The following CERK variants were observed in gnomAD, a reference collection of about 807,000 sequenced individuals.
The protein encoded by CERK is acylsphingosine kinase.
Under a neutral mutation model 63.4 loss-of-function variants are expected in CERK, and 39 were observed. The ratio of observed to expected loss-of-function variants is 0.61; its 90% CI spans 0.48 to 0.80. CERK has a LOEUF of 0.80. CERK is among the 30% of genes least tolerant of loss of function. The probability of loss-of-function intolerance (pLI) is 0.00; values close to 1 mark genes in which losing one functional copy is unlikely to be tolerated. For missense variants in CERK, 670 were observed against 714.1 expected, an observed-to-expected ratio of 0.94 and a Z score of 0.70; for synonymous variants, 302 against 280.0, an observed-to-expected ratio of 1.08 and a Z score of -0.78.
intron 1 of CERK, among the ~76,000 whole-genome samples, chr22:46,734,067 C>CAT (rs59207182): frequency 0.12 from 17,891 of 145,272 alleles, 1,157 homozygotes; most frequent in African/African-American, 0.17. Flanking sequence ...TACATACATA[C>CAT]ATATATATAT....
Position 46,738,158 on chromosome 22 carries a change from C to T in CERK, c.-10G>A. 1 of 1,170,748 alleles carries T rather than the reference C, an allele frequency of 8.5e-7. No individual in the cohort carries two copies. Among genetic ancestry groups the T allele is most frequent in the Non-Finnish European group, 1.1e-6 (1 of 950,408 alleles). 72.5% of individuals were successfully genotyped at this position (1,170,748 alleles called of 1,614,324 possible). A position where few individuals can be genotyped will look rare whatever the true frequency, so the allele number is the denominator to read the frequency against. On this transcript the variant is annotated 5_prime_UTR_variant, in exon 1 of 13. Coordinates refer to ENST00000216264, the MANE Select transcript of CERK (RefSeq NM_022766.6). ...CCCCCGTCGCCCCCATCTCCGCCGC[C>T]GGGCTCGTCCGCCAGGCTGGGGGCG...
intron 9 of CERK, chr22:46,693,712 G>A: frequency 2.0e-6 from 1 of 504,398 alleles, no homozygotes; most frequent in South Asian, 2.0e-5. Context: ...TTCTCTAAAA[G>A]GTTTGGACAT....
At chr22:46,702,266 T>C (rs912301985) in intron 6 of CERK, among the ~76,000 whole-genome samples, 2 of 144,134 alleles carry the variant, frequency 1.4e-5, no homozygotes, top group African/African-American at 2.6e-5. Context: ...TGTGTGTGTG[T>C]GAACATTTAC....
intron 1 of CERK, among the ~76,000 whole-genome samples, chr22:46,721,663 C>T (rs989649050): frequency 1.3e-5 from 2 of 152,162 alleles, no homozygotes; most frequent in African/African-American, 4.8e-5. Flanking sequence ...TGGCCTCTGT[C>T]TGCAGGACAG....
At position 46,705,633 on chromosome 22, in the gene CERK, T is replaced by C. The variant is rs572256862; in HGVS notation, c.715+2210A>G. On this transcript the variant is annotated intron_variant, in intron 6 of 12. Transcript: ENST00000216264. The stretch of plus-strand genomic sequence containing the variant: ...TTGCAGTGAGCCAAGATCGCACCAC[T>C]GCACTCCAGCCTGGACGACAAAGTG... Among the ~76,000 whole-genome samples, 27 of 152,220 alleles carry C rather than the reference T, an allele frequency of 1.8e-4. No individual in the cohort carries two copies. The East Asian group carries it at 4.8e-3, about 27-fold the overall frequency.
At chr22:46,709,169 C>T (rs2082828146) in intron 5 of CERK, among the ~76,000 whole-genome samples, 2 of 152,330 alleles carry the variant, frequency 1.3e-5, no homozygotes, top group South Asian at 4.1e-4. Context: ...GTTAGACAGA[C>T]AGATCACTCA....
chr22:46,722,855 G>A (rs1345048327), intron 1 of CERK, among the ~76,000 whole-genome samples: 1 of 152,188 alleles, frequency 6.6e-6, no homozygotes, highest in Non-Finnish European at 1.5e-5. Flanking sequence ...ACAGGTGCTG[G>A]GGCAGGGAGG....
chr22:46,690,092 C>G lies in CERK; in HGVS notation c.1441G>C (p.Gly481Arg), dbSNP rs765748382. ...DLKEGGKKRF[G>R]HICSSHPSCC... ...GAGGGGTGGCTGCTGCAAATGTGCCCAAAGCGCTTCTTCCCCCCCTCCTTG... is the reference window on the plus strand; with the variant it reads ...GAGGGGTGGCTGCTGCAAATGTGCCGAAAGCGCTTCTTCCCCCCCTCCTTG... The change falls in exon 12 of 13, where the codon GGG (glycine) becomes CGG (arginine). Residue 481 changes from glycine to arginine, a missense_variant. Coordinates refer to ENST00000216264, the MANE Select transcript of CERK (RefSeq NM_022766.6). 6.2e-7 allele frequency: 1 copy of G among 1,614,034 alleles called. No homozygotes were observed. The highest frequency in any genetic ancestry group is 8.5e-7 in the Non-Finnish European group (1 of 1,179,998).
At chr22:46,704,734 A>G (rs2082804578) in intron 6 of CERK, among the ~76,000 whole-genome samples, 1 of 151,008 alleles carries the variant, frequency 6.6e-6, no homozygotes, top group Admixed American at 6.6e-5. Context: ...CTAAGGCAGG[A>G]GAATTGCTTG....
intron 1 of CERK, among the ~76,000 whole-genome samples, chr22:46,737,291 CAAAAA>C (rs34667609): frequency 1.0e-4 from 7 of 69,326 alleles, no homozygotes; most frequent in Non-Finnish European, 2.1e-4. Context: ...CACTCCGACT[CAAAAA>C]AAAAAAAAAA....
At chr22:46,707,701 A>G (rs1463113024) in intron 6 of CERK, 142 bp downstream of exon 6, 6 of 943,214 alleles carry the variant, frequency 6.4e-6, no homozygotes, top group Non-Finnish European at 9.6e-6. Context: ...ATATCCCCCC[A>G]AGAGTGGCCC....
intron 8 of CERK, among the ~76,000 whole-genome samples, chr22:46,698,914 A>T (rs1285298399): frequency 6.6e-6 from 1 of 152,176 alleles, no homozygotes; most frequent in Admixed American, 6.5e-5. Context: ...AAAATTTTTA[A>T]AAAATATATT....
At chr22:46,707,587 C>G (rs577597717) in intron 6 of CERK, among the ~76,000 whole-genome samples, 45 of 152,158 alleles carry the variant, frequency 3.0e-4, no homozygotes, top group African/African-American at 1.1e-3. Context: ...AGGACTGCAC[C>G]CCCAGCGGTG....
intron 1 of CERK, among the ~76,000 whole-genome samples, chr22:46,730,773 CT>C (rs2146594823): frequency 6.6e-6 from 1 of 152,334 alleles, no homozygotes; most frequent in South Asian, 2.1e-4. Flanking sequence ...GGCCTGGGAT[CT>C]GAGAAAGACA....
At chr22:46,711,257 G>C in intron 4 of CERK, 108 bp from the exon 5 acceptor site, 4 of 792,106 alleles carry the variant, frequency 5.0e-6, no homozygotes, top group Non-Finnish European at 8.7e-6. Context: ...ACCTTCAGGC[G>C]GATTTCCTAG....
intron 6 of CERK, among the ~76,000 whole-genome samples, chr22:46,704,200 A>C (rs931953499): frequency 4.6e-5 from 7 of 152,166 alleles, no homozygotes; most frequent in African/African-American, 1.7e-4. Context: ...CAGGGCACAC[A>C]GTGGCACCTC....
intron 1 of CERK, among the ~76,000 whole-genome samples, chr22:46,721,927 T>C (rs2082894723): frequency 6.6e-6 from 1 of 152,138 alleles, no homozygotes; most frequent in Admixed American, 6.5e-5. Context: ...ATTACAGGCT[T>C]GCACATCAAA....
chr22:46,720,651 C>T (rs754547287), intron 2 of CERK, among the ~76,000 whole-genome samples: 5 of 151,958 alleles, frequency 3.3e-5, no homozygotes, highest in African/African-American at 7.3e-5. Context: ...GCCGAGACCG[C>T]GCCACTGCAC....
At chr22:46,690,456 C>A (rs1007997772) in intron 11 of CERK, among the ~76,000 whole-genome samples, 1 of 152,070 alleles carries the variant, frequency 6.6e-6, no homozygotes, top group Non-Finnish European at 1.5e-5. Flanking sequence ...CCGGTGCCCA[C>A]CTTCCGCGGC....
Sources: gnomAD v4.1 joint callset for allele counts (sites outside exome capture counted in the v4.1 genomes callset) on GRCh38, gnomAD v4.1.1 for gene constraint, MANE v1.5 for transcripts, NCBI Gene and HGNC (gene_info 2026-07-23, HGNC 2026-07-21) for gene names.